Variants in INHBE observed in about 807,000 individuals in gnomAD.
INHBE encodes inhibin subunit beta E, also known as inhibin beta E chain.
Under a neutral mutation model 27.8 loss-of-function variants are expected in INHBE, and 19 were observed. The observed-to-expected ratio is 0.68, with a 90% CI of 0.48 to 1.00. The LOEUF is 1.00. INHBE is among the 50% of genes least tolerant of loss of function. The probability of loss-of-function intolerance (pLI) is 0.00; values close to 1 mark genes in which losing one functional copy is unlikely to be tolerated. For missense variants in INHBE, 398 were observed against 433.9 expected (o/e 0.92, Z 0.73); for synonymous variants, 196 against 187.2 (o/e 1.05, Z -0.38).
In INHBE at chr12:57,456,734, C is replaced by G. The variant is rs780392794; in HGVS notation, c.939C>G (p.Ser313=). 7.4e-6 allele frequency: 12 copies of G among 1,614,140 alleles called. No individual in the cohort carries two copies. In the African/African-American group the frequency reaches 1.2e-4, roughly 16 times the overall value. The part of the protein sequence containing the change: ...KANNPWPAST[S]CCVPTARRPL... ...ACAATCCTTGGCCTGCCAGTACCTC[C>G]TGTTGTGTCCCTACTGCCCGAAGGC... Residue 313 remains serine (S), a synonymous_variant, in exon 2 of 2, where the codon TCC becomes TCG. Coordinates refer to ENST00000266646, the MANE Select transcript of INHBE (RefSeq NM_031479.5).
chr12:57,455,739 C>T lies in INHBE; in HGVS notation c.203C>T (p.Pro68Leu). Reference protein sequence around the residue: ...TSRPRITHPPPQAALTRALRR... With the variant: ...TSRPRITHPPLQAALTRALRR... ...CGTCCCAGAATAACTCATCCTCCAC[C>T]CCAGGCAGCGCTGACCAGAGCCCTC... Residue 68 changes from proline to leucine, a missense_variant, in exon 1 of 2, where the codon CCC becomes CTC. By Grantham distance (98) the Pro-to-Leu change is moderately conservative (BLOSUM62 -3). Transcript: ENST00000266646. 6.2e-7 allele frequency: 1 copy of T among 1,614,012 alleles called. No homozygotes were observed. Among genetic ancestry groups the T allele is most frequent in the South Asian group, 1.1e-5 (1 of 91,062 alleles).
chr12:57,455,550 A>G lies in INHBE; in HGVS notation c.14A>G (p.Asp5Gly), dbSNP rs1441660751. 1.9e-6 allele frequency: 3 copies of G among 1,608,198 alleles called. No homozygotes were observed. Among genetic ancestry groups the G allele is most frequent in the Non-Finnish European group, 2.6e-6 (3 of 1,175,950 alleles). Reference protein sequence around the residue: MRLPDVQLWLVLLWA... With the variant: MRLPGVQLWLVLLWA... Reference sequence around the variant, plus strand: ...TTCACCAGGAGCATGCGGCTCCCTGATGTCCAGCTCTGGCTGGTGCTGCTG... The same window carrying G: ...TTCACCAGGAGCATGCGGCTCCCTGGTGTCCAGCTCTGGCTGGTGCTGCTG... Residue 5 changes from aspartate to glycine, a missense_variant, in exon 1 of 2, where the codon GAT (aspartate) becomes GGT (glycine). Physicochemically the swap from Asp to Gly is moderately conservative, Grantham distance 94. Transcript: ENST00000266646.
At position 57,456,582 on chromosome 12, in the gene INHBE, G is replaced by C; in HGVS notation, c.787G>C (p.Asp263His). Residue 263 changes from aspartate (D) to histidine (H), a missense_variant, in exon 2 of 2, where the codon GAC becomes CAC. Coordinates refer to ENST00000266646, the MANE Select transcript of INHBE (RefSeq NM_031479.5). The stretch of plus-strand genomic sequence containing the variant: ...AGACTTCCAGGAACTGGGATGGCGG[G>C]ACTGGATACTGCAGCCCGAGGGGTA... ...YVDFQELGWR[D>H]WILQPEGYQL... The C allele has an allele frequency of 6.2e-7, 1 of 1,614,170 alleles. No homozygotes were observed. The highest frequency in any genetic ancestry group is 8.5e-7 in the Non-Finnish European group (1 of 1,180,024).
At chr12:57,456,050 C>A in intron 1 of INHBE, 44 bp from the exon 2 acceptor site, 1 of 1,564,552 alleles carries the variant, frequency 6.4e-7, no homozygotes, top group Non-Finnish European at 8.7e-7. Context: ...AGGAGAGCTT[C>A]ATCTCTACTC....
Position 57,456,282 on chromosome 12 carries a change from A to G in INHBE, c.487A>G (p.Ile163Val), listed in dbSNP as rs763656862. 1.4e-5 allele frequency: 22 copies of G among 1,614,112 alleles called. No homozygotes were observed. Among genetic ancestry groups the G allele is most frequent in the Non-Finnish European group, 1.8e-5 (21 of 1,180,014 alleles). The part of the protein sequence containing the change: ...GSRTLLAEHH[I>V]TNLGWHTLTL... ...CCGCACTCTCCTGGCTGAGCACCAC[A>G]TCACCAACCTGGGCTGGCATACCTT... The change falls in exon 2 of 2, where the codon ATC (isoleucine) becomes GTC (valine). Residue 163 changes from isoleucine (I) to valine (V), a missense_variant. By Grantham distance (29) the Ile-to-Val change is conservative (BLOSUM62 3). Transcript: ENST00000266646.
rs1037487696 is a variant in INHBE at position 57,455,645 on chromosome 12, C to A, written c.109C>A (p.Gln37Lys). 2.5e-6 allele frequency: 4 copies of A among 1,613,972 alleles called. No individual in the cohort carries two copies. In the African/African-American group the frequency reaches 5.3e-5, roughly 22 times the overall value. ...PSCGGSKLAPQAERALVLELA... is the reference protein window; with the variant it reads ...PSCGGSKLAPKAERALVLELA... ...CTGTGGGGGCTCCAAACTGGCACCCCAAGCAGAACGAGCTCTGGTGCTGGA... is the reference window on the plus strand; with the variant it reads ...CTGTGGGGGCTCCAAACTGGCACCCAAAGCAGAACGAGCTCTGGTGCTGGA... The change falls in exon 1 of 2, where the codon CAA becomes AAA. Residue 37 changes from glutamine to lysine, a missense_variant. Gln to Lys is a moderately conservative substitution (Grantham distance 53, BLOSUM62 1). Coordinates refer to ENST00000266646, the MANE Select transcript of INHBE (RefSeq NM_031479.5).
rs977582128 is a variant in INHBE at position 57,457,066 on chromosome 12, C to T, written c.*218C>T. On this transcript the variant is annotated 3_prime_UTR_variant, in exon 2 of 2. Coordinates refer to ENST00000266646, the MANE Select transcript of INHBE (RefSeq NM_031479.5). ...CTGATGTGTTGGGAGATGGGTAAAGCGTTTCTTCTAAAGGGGTCTACCCAG... is the reference window on the plus strand; with the variant it reads ...CTGATGTGTTGGGAGATGGGTAAAGTGTTTCTTCTAAAGGGGTCTACCCAG... 15 of 513,868 alleles carry T rather than the reference C, an allele frequency of 2.9e-5. No homozygotes were observed. Among genetic ancestry groups the T allele is most frequent in the Admixed American group, 6.7e-5 (2 of 29,690 alleles). The allele number at this position is 513,868 out of a possible 1,614,324, so 31.8% of individuals were successfully genotyped here. A position where few individuals can be genotyped will look rare whatever the true frequency, so the allele number is the denominator to read the frequency against.
chr12:57,457,075 T>C lies in INHBE; in HGVS notation c.*227T>C, dbSNP rs1302988683. On this transcript the variant is annotated 3_prime_UTR_variant, in exon 2 of 2. Coordinates refer to ENST00000266646, the MANE Select transcript of INHBE (RefSeq NM_031479.5). Reference sequence around the variant, plus strand: ...TGGGAGATGGGTAAAGCGTTTCTTCTAAAGGGGTCTACCCAGAAAGCATGA... The same window carrying C: ...TGGGAGATGGGTAAAGCGTTTCTTCCAAAGGGGTCTACCCAGAAAGCATGA... 1 of 501,170 alleles carries C rather than the reference T, an allele frequency of 2.0e-6. No homozygotes were observed. Among genetic ancestry groups the C allele is most frequent in the African/African-American group, 1.9e-5 (1 of 51,494 alleles). The allele number at this position is 501,170 out of a possible 1,614,324, so 31.0% of individuals were successfully genotyped here.
Position 57,455,642 on chromosome 12 carries a change from C to A in INHBE, c.106C>A (p.Pro36Thr). 6.2e-7 allele frequency: 1 copy of A among 1,614,048 alleles called. No homozygotes were observed. Among genetic ancestry groups the A allele is most frequent in the Non-Finnish European group, 8.5e-7 (1 of 1,180,002 alleles). Residue 36 changes from proline (P) to threonine (T), a missense_variant, in exon 1 of 2, where the codon CCC becomes ACC. Pro to Thr is a conservative substitution (Grantham distance 38, BLOSUM62 -1). Transcript: ENST00000266646. ...CTCCTGTGGGGGCTCCAAACTGGCA[C>A]CCCAAGCAGAACGAGCTCTGGTGCT... ...CPSCGGSKLAPQAERALVLEL... is the reference protein window; with the variant it reads ...CPSCGGSKLATQAERALVLEL...
At chr12:57,458,012 AATGTGTGCTTGT>A (rs1215266440) in exon 2 of INHBE, 4 of 152,166 alleles carry the variant, frequency 2.6e-5, no homozygotes, top group African/African-American at 9.7e-5. Context: ...TTGTTAATGG[AATGTGTGCTTGT>A]ATGGTCTTGT....
rs1402210798 is a variant in INHBE at position 57,457,089 on chromosome 12, C to T, written c.*241C>T. On this transcript the variant is annotated 3_prime_UTR_variant, in exon 2 of 2. Coordinates refer to ENST00000266646, the MANE Select transcript of INHBE (RefSeq NM_031479.5). ...AGCGTTTCTTCTAAAGGGGTCTACC[C>T]AGAAAGCATGATTTCCTGCCCTAAG... The T allele has an allele frequency of 3.6e-5, 13 of 358,310 alleles. No homozygotes were observed. The Admixed American group carries it at 5.6e-4, about 15-fold the overall frequency. The allele number at this position is 358,310 out of a possible 1,614,324, so 22.2% of individuals were successfully genotyped here.
Position 57,455,753 on chromosome 12 carries a change from A to G in INHBE, c.217A>G (p.Thr73Ala). ...TCATCCTCCACCCCAGGCAGCGCTG[A>G]CCAGAGCCCTCCGGAGACTACAGCC... The part of the protein sequence containing the change: ...ITHPPPQAAL[T>A]RALRRLQPGS... Residue 73 changes from threonine to alanine, a missense_variant, in exon 1 of 2, where the codon ACC becomes GCC. Physicochemically the swap from Thr to Ala is moderately conservative, Grantham distance 58. Transcript: ENST00000266646. 6.2e-7 allele frequency: 1 copy of G among 1,614,072 alleles called. No individual in the cohort carries two copies. Among genetic ancestry groups the G allele is most frequent in the Non-Finnish European group, 8.5e-7 (1 of 1,179,952 alleles).
In INHBE at chr12:57,456,135, T is replaced by C; in HGVS notation, c.340T>C (p.Ser114Pro). ...AYSSLLTFHL[S>P]TPRSHHLYHA... ...CAGCTCCCTGCTCACTTTTCACCTG[T>C]CCACTCCTCGGTCCCACCACCTGTA... Residue 114 changes from serine (S) to proline (P), a missense_variant, in exon 2 of 2, where the codon TCC (serine) becomes CCC (proline). Physicochemically the swap from Ser to Pro is moderately conservative, Grantham distance 74. Coordinates refer to ENST00000266646, the MANE Select transcript of INHBE (RefSeq NM_031479.5). 1 of 1,613,826 alleles carries C rather than the reference T, an allele frequency of 6.2e-7. No homozygotes were observed. The highest frequency in any genetic ancestry group is 8.5e-7 in the Non-Finnish European group (1 of 1,179,856).
rs750097210 is a variant in INHBE at position 57,456,310 on chromosome 12, C to T, written c.515C>T (p.Thr172Ile). ...HITNLGWHTL[T>I]LPSSGLRGEK... is the part of the protein sequence containing the mutation. The stretch of plus-strand genomic sequence containing the variant: ...ACCAACCTGGGCTGGCATACCTTAA[C>T]TCTGCCCTCTAGTGGCTTGAGGGGT... Residue 172 changes from threonine (T) to isoleucine (I), a missense_variant, in exon 2 of 2, where the codon ACT (threonine) becomes ATT (isoleucine). Transcript: ENST00000266646. The T allele has an allele frequency of 1.3e-5, 21 of 1,614,198 alleles. No homozygotes were observed. In the South Asian group the frequency reaches 2.0e-4, roughly 15 times the overall value.
In INHBE at chr12:57,455,708, A is replaced by G. The variant is rs1350645864; in HGVS notation, c.172A>G (p.Thr58Ala). The change falls in exon 1 of 2, where the codon ACC becomes GCC. Residue 58 changes from threonine to alanine, a missense_variant. By Grantham distance (58) the Thr-to-Ala change is moderately conservative. Coordinates refer to ENST00000266646, the MANE Select transcript of INHBE (RefSeq NM_031479.5). ...KQQILDGLHLTSRPRITHPPP... is the reference protein window; with the variant it reads ...KQQILDGLHLASRPRITHPPP... ...GCAAATCCTGGATGGGTTGCACCTGACCAGTCGTCCCAGAATAACTCATCC... is the reference window on the plus strand; with the variant it reads ...GCAAATCCTGGATGGGTTGCACCTGGCCAGTCGTCCCAGAATAACTCATCC... 2 of 1,613,922 alleles carry G rather than the reference A, an allele frequency of 1.2e-6. No homozygotes were observed. Among genetic ancestry groups the G allele is most frequent in the African/African-American group, 2.7e-5 (2 of 74,898 alleles).
chr12:57,456,788 T>A lies in INHBE; in HGVS notation c.993T>A (p.Asn331Lys). 6.2e-7 allele frequency: 1 copy of A among 1,614,208 alleles called. No homozygotes were observed. Among genetic ancestry groups the A allele is most frequent in the Non-Finnish European group, 8.5e-7 (1 of 1,180,020 alleles). The change falls in exon 2 of 2, where the codon AAT (asparagine) becomes AAA (lysine). Residue 331 changes from asparagine (N) to lysine (K), a missense_variant. Coordinates refer to ENST00000266646, the MANE Select transcript of INHBE (RefSeq NM_031479.5). ...RPLSLLYLDH[N>K]GNVVKTDVPD... ...TCTCTCTCCTCTACCTGGATCATAA[T>A]GGCAATGTGGTCAAGACGGATGTGC...
chr12:57,456,074 C>T lies in INHBE; in HGVS notation c.299-20C>T, dbSNP rs1870821322. ...TCATCTCTACTCACATTTTCTTTCC[C>T]TTTTCTGTCTTTCGGGCAGACTCCA... On this transcript the variant is annotated intron_variant, in intron 1 of 1. Coordinates refer to ENST00000266646, the MANE Select transcript of INHBE (RefSeq NM_031479.5). 6.3e-7 allele frequency: 1 copy of T among 1,590,970 alleles called. No homozygotes were observed. The highest frequency in any genetic ancestry group is 8.6e-7 in the Non-Finnish European group (1 of 1,167,148).
At position 57,456,379 on chromosome 12, in the gene INHBE, T is replaced by C. The variant is rs761294651; in HGVS notation, c.584T>C (p.Leu195Pro). 3 of 1,614,106 alleles carry C rather than the reference T, an allele frequency of 1.9e-6. No homozygotes were observed. The highest frequency in any genetic ancestry group is 1.3e-5 in the African/African-American group (1 of 75,026). ...AAACTGCAACTAGACTGCAGACCCC[T>C]AGAAGGCAACAGCACAGTTACTGGA... Reference protein sequence around the residue: ...VLKLQLDCRPLEGNSTVTGQP... With the variant: ...VLKLQLDCRPPEGNSTVTGQP... The change falls in exon 2 of 2, where the codon CTA (leucine) becomes CCA (proline). Residue 195 changes from leucine to proline, a missense_variant. Transcript: ENST00000266646.
rs1002404220 is a variant in INHBE, at chr12:57,455,676, C to G, written c.140C>G (p.Ala47Gly). 1.2e-6 allele frequency: 2 copies of G among 1,614,102 alleles called. No homozygotes were observed. Among genetic ancestry groups the G allele is most frequent in the Admixed American group, 1.7e-5 (1 of 60,024 alleles). The change falls in exon 1 of 2, where the codon GCC becomes GGC. Residue 47 changes from alanine to glycine, a missense_variant. Transcript: ENST00000266646. ...QAERALVLEL[A>G]KQQILDGLHL... The stretch of plus-strand genomic sequence containing the variant: ...GAACGAGCTCTGGTGCTGGAGCTAG[C>G]CAAGCAGCAAATCCTGGATGGGTTG...
Sources: gnomAD v4.1 joint callset for allele counts on GRCh38, gnomAD v4.1.1 for gene constraint, MANE v1.5 for transcripts, NCBI Gene and HGNC (gene_info 2026-07-23, HGNC 2026-07-21) for gene names.